The following TDRP variants were observed in gnomAD, a reference collection of about 807,000 sequenced individuals.
The protein encoded by TDRP is testis development-related protein.
In TDRP, 12 loss-of-function variants were observed where a neutral mutation model predicts 10.5. The ratio of observed to expected loss-of-function variants is 1.15; its 90% CI spans 0.73 to 1.86. The LOEUF is 1.86. Among genes scored for constraint, TDRP ranks in the 40% most tolerant of loss-of-function variants. The pLI is 0.00. For synonymous variants in TDRP, 139 were observed against 95.4 expected (o/e 1.46, Z -2.67); for missense variants, 353 against 229.2 (o/e 1.54, Z -3.49).
At chr8:509,348 C>G (rs1490431165) in intron 1 of TDRP, among the ~76,000 whole-genome samples, 1 of 152,218 alleles carries the variant, frequency 6.6e-6, no homozygotes, top group Non-Finnish European at 1.5e-5. Flanking sequence ...CATGAGTGCT[C>G]TGCCCCTGCA....
At chr8:510,511 A>G (rs1252939625) in intron 1 of TDRP, among the ~76,000 whole-genome samples, 1 of 152,226 alleles carries the variant, frequency 6.6e-6, no homozygotes, top group Non-Finnish European at 1.5e-5. Flanking sequence ...CTTATAAAGG[A>G]AGCCCCAATA....
chr8:494,412 G>T, intron 2 of TDRP, 82 bp downstream of exon 2: 1 of 1,364,612 alleles, frequency 7.3e-7, no homozygotes, highest in Non-Finnish European at 1.0e-6. Context: ...CTGCATTTAT[G>T]CCATCAAATC....
At chr8:545,179 G>T (rs1303664295), upstream of TDRP, among the ~76,000 whole-genome samples, 1 of 99,638 alleles carries the variant, frequency 1.0e-5, no homozygotes, top group African/African-American at 4.1e-5. Flanking sequence ...CGAGACCCTC[G>T]CCCTTCACTG....
chr8:545,583 G>A (rs1164094793), upstream of TDRP: 1 of 152,294 alleles, frequency 6.6e-6, no homozygotes, highest in Non-Finnish European at 1.5e-5. Flanking sequence ...GGAAGGTGGA[G>A]GGGGCACAGT....
chr8:521,595 C>T (rs1801907313), intron 1 of TDRP, among the ~76,000 whole-genome samples: 1 of 152,110 alleles, frequency 6.6e-6, no homozygotes, highest in South Asian at 2.1e-4. Context: ...TTCTATATGT[C>T]CGTGTTTATG....
chr8:502,573 G>A (rs1180449571), intron 1 of TDRP, among the ~76,000 whole-genome samples: 1 of 152,210 alleles, frequency 6.6e-6, no homozygotes, highest in Non-Finnish European at 1.5e-5. Flanking sequence ...GGAACCCAGA[G>A]CCATGCAGTG....
At chr8:517,181 T>A (rs1311400744) in intron 1 of TDRP, among the ~76,000 whole-genome samples, 1 of 152,106 alleles carries the variant, frequency 6.6e-6, no homozygotes, top group Non-Finnish European at 1.5e-5. Flanking sequence ...ACTCTTTGCA[T>A]CAGTGAGATA....
chr8:526,405 G>T (rs1802036191), intron 1 of TDRP, among the ~76,000 whole-genome samples: 2 of 152,040 alleles, frequency 1.3e-5, no homozygotes, highest in African/African-American at 4.8e-5. Context: ...ACAGTTTTTT[G>T]AGCGTTCTTA....
At chr8:521,206 T>A (rs1390271353) in intron 1 of TDRP, among the ~76,000 whole-genome samples, 1 of 129,732 alleles carries the variant, frequency 7.7e-6, no homozygotes, top group Non-Finnish European at 1.5e-5. Flanking sequence ...ATAGAGATCA[T>A]CCTGGCTAAC....
intron 1 of TDRP, among the ~76,000 whole-genome samples, chr8:539,274 G>C (rs980827632): frequency 1.3e-5 from 2 of 152,186 alleles, no homozygotes; most frequent in Admixed American, 6.5e-5. Context: ...ATGGTGGTAA[G>C]AAGCTGGAGC....
rs1402465466 is a variant in TDRP, at chr8:492,650, G to C, written c.307C>G (p.Pro103Ala). The part of the protein sequence containing the change: ...VLKQNIQSKK[P>A]DEIEGWEPPK... The stretch of plus-strand genomic sequence containing the variant: ...GGCTCCCAACCTTCAATTTCATCTG[G>C]TTTTTTAGACTGTATATTCTGTTTT... The change falls in exon 3 of 3, where the codon CCA (proline) becomes GCA (alanine). Residue 103 changes from proline (P) to alanine (A), a missense_variant. Pro to Ala is a conservative substitution (Grantham distance 27). Coordinates refer to ENST00000324079, the MANE Select transcript of TDRP (RefSeq NM_001384899.1). 3 of 1,613,824 alleles carry C rather than the reference G, an allele frequency of 1.9e-6. No individual in the cohort carries two copies. The highest frequency in any genetic ancestry group is 2.5e-6 in the Non-Finnish European group (3 of 1,179,876).
intron 1 of TDRP, among the ~76,000 whole-genome samples, chr8:504,071 G>C (rs958996964): frequency 2.0e-5 from 3 of 152,034 alleles, no homozygotes; most frequent in African/African-American, 4.8e-5. Context: ...ACCCACCTCA[G>C]CAAGCACCAA....
At chr8:521,431 G>C (rs1229185485) in intron 1 of TDRP, among the ~76,000 whole-genome samples, 2 of 151,802 alleles carry the variant, frequency 1.3e-5, no homozygotes, top group Non-Finnish European at 2.9e-5. Context: ...AACAAAAAAA[G>C]ATACAACTTC....
intron 1 of TDRP, among the ~76,000 whole-genome samples, chr8:532,445 C>G (rs776941385): frequency 4.6e-5 from 7 of 152,262 alleles, no homozygotes; most frequent in Non-Finnish European, 7.3e-5. Flanking sequence ...TCCAGCTCTT[C>G]TAGCTTCTAT....
chr8:541,173 G>A (rs950509378), intron 1 of TDRP, among the ~76,000 whole-genome samples: 4 of 152,298 alleles, frequency 2.6e-5, no homozygotes, highest in South Asian at 4.1e-4. Flanking sequence ...ATAAAGATCA[G>A]TCCTCTTGAA....
chr8:507,469 T>C (rs1042339845), intron 1 of TDRP, among the ~76,000 whole-genome samples: 5 of 152,170 alleles, frequency 3.3e-5, no homozygotes, highest in Non-Finnish European at 7.3e-5. Context: ...TAGAGCAATG[T>C]ATGCCCCAGG....
At position 536,079 on chromosome 8, in the gene TDRP, A is replaced by T. The variant is rs190636954; in HGVS notation, c.108+8571T>A. ...TCAATTAGGGTTTTAAACTCTCAGG[A>T]ATAAAAATTTCAACCTATTATTAAC... On this transcript the variant is annotated intron_variant, in intron 1 of 2. Coordinates refer to ENST00000324079, the MANE Select transcript of TDRP (RefSeq NM_001384899.1). 6.6e-5 allele frequency among the ~76,000 whole-genome samples: 10 copies of T among 152,354 alleles called. No individual in the cohort carries two copies. In the East Asian group the frequency reaches 1.9e-3, roughly 29 times the overall value.
chr8:543,046 G>C (rs185154470), intron 1 of TDRP, among the ~76,000 whole-genome samples: 51 of 152,220 alleles, frequency 3.4e-4, no homozygotes, highest in African/African-American at 1.0e-3. Context: ...GGTGACTCAC[G>C]CCTGTGATCC....
At chr8:511,741 C>T (rs138526284) in intron 1 of TDRP, among the ~76,000 whole-genome samples, 2 of 152,142 alleles carry the variant, frequency 1.3e-5, no homozygotes, top group Non-Finnish European at 2.9e-5. Flanking sequence ...TATTCAAAGT[C>T]CTTTCTTTGA....
Sources: gnomAD v4.1 joint callset for allele counts (sites outside exome capture counted in the v4.1 genomes callset) on GRCh38, gnomAD v4.1.1 for gene constraint, MANE v1.5 for transcripts, NCBI Gene and HGNC (gene_info 2026-07-23, HGNC 2026-07-21) for gene names.